Variants in TRDN observed in about 807,000 individuals in gnomAD.
The protein encoded by TRDN is triadin, also known as triadin in skeletal muscle.
In TRDN, 161 loss-of-function variants were observed where a neutral mutation model predicts 149.7. That is an observed-to-expected ratio of 1.08 (90% CI 0.95 to 1.23). The LOEUF is 1.23. Ranked by LOEUF, TRDN falls within the 50% of genes most tolerant of loss-of-function variation. The probability of loss-of-function intolerance (pLI) is 0.00; values close to 1 mark genes in which losing one functional copy is unlikely to be tolerated. For missense variants in TRDN, 896 were observed against 823.5 expected (o/e 1.09, Z -1.08); for synonymous variants, 294 against 250.5 (o/e 1.17, Z -1.64).
intron 27 of TRDN, 62 bp from the exon 28 acceptor site, chr6:123,273,425 C>T: frequency 1.3e-6 from 1 of 777,962 alleles, no homozygotes; most frequent in Non-Finnish European, 1.8e-6. Context: ...TTAACAATAA[C>T]AAATACAACT....
At chr6:123,318,696 G>A (rs1554223551) in intron 23 of TRDN, among the ~76,000 whole-genome samples, 1 of 151,912 alleles carries the variant, frequency 6.6e-6, no homozygotes. Flanking sequence ...CTCTGCACAC[G>A]GCTTTCACTC....
intron 23 of TRDN, among the ~76,000 whole-genome samples, chr6:123,326,906 A>G (rs1395167428): frequency 6.6e-6 from 1 of 151,994 alleles, no homozygotes; most frequent in Non-Finnish European, 1.5e-5. Context: ...CATTATATGC[A>G]TTGCAATATA....
intron 23 of TRDN, among the ~76,000 whole-genome samples, chr6:123,322,709 C>A (rs906036342): frequency 6.6e-6 from 1 of 151,282 alleles, no homozygotes; most frequent in African/African-American, 2.4e-5. Context: ...GGCGCAATCT[C>A]GGCTCACTGC....
chr6:123,428,104 C>T (rs1435755525), intron 12 of TRDN, among the ~76,000 whole-genome samples: 1 of 152,056 alleles, frequency 6.6e-6, no homozygotes, highest in Non-Finnish European at 1.5e-5. Context: ...TGTATCTAGT[C>T]CATCTCATCA....
intron 38 of TRDN, among the ~76,000 whole-genome samples, chr6:123,237,337 C>T (rs1775824111): frequency 6.6e-6 from 1 of 152,080 alleles, no homozygotes; most frequent in Non-Finnish European, 1.5e-5. Context: ...GCAAACTCTG[C>T]CTCGCTGGTT....
chr6:123,335,500 T>C (rs564141564), intron 22 of TRDN, among the ~76,000 whole-genome samples: 72 of 151,934 alleles, frequency 4.7e-4, no homozygotes, highest in African/African-American at 1.4e-3. Context: ...AAATATACAA[T>C]TGCAACAATA....
chr6:123,607,273 C>T (rs1049792151), intron 1 of TRDN, among the ~76,000 whole-genome samples: 18 of 152,202 alleles, frequency 1.2e-4, no homozygotes, highest in African/African-American at 3.6e-4. Flanking sequence ...AAATATGCTT[C>T]GTAGACTAAA....
intron 13 of TRDN, among the ~76,000 whole-genome samples, chr6:123,390,583 G>A (rs1483793504): frequency 6.6e-6 from 1 of 152,042 alleles, no homozygotes; most frequent in African/African-American, 2.4e-5. Context: ...TTGCCAACTG[G>A]AAAGCCATGT....
intron 14 of TRDN, among the ~76,000 whole-genome samples, chr6:123,388,080 A>AG: frequency 6.7e-6 from 1 of 150,072 alleles, no homozygotes; most frequent in Non-Finnish European, 1.5e-5. Context: ...AAAAAATAGA[A>AG]CAAAAAAATC....
At chr6:123,246,668 G>T (rs1362978022) in intron 38 of TRDN, among the ~76,000 whole-genome samples, 1 of 151,832 alleles carries the variant, frequency 6.6e-6, no homozygotes, top group Non-Finnish European at 1.5e-5. Context: ...ACAAAGAGGA[G>T]TTAGTACCAT....
At chr6:123,249,433 C>T (rs183698658) in intron 38 of TRDN, among the ~76,000 whole-genome samples, 53 of 152,114 alleles carry the variant, frequency 3.5e-4, no homozygotes, top group African/African-American at 9.4e-4. Context: ...TACTGCATAT[C>T]TACCCAAAGG....
intron 1 of TRDN, among the ~76,000 whole-genome samples, chr6:123,591,805 T>C (rs1203821224): frequency 6.6e-6 from 1 of 152,220 alleles, no homozygotes; most frequent in Non-Finnish European, 1.5e-5. Flanking sequence ...TTTATGTGCT[T>C]CTGAAAAGAA....
Position 123,378,453 on chromosome 6 carries a change from AGTGTGTGTGTGTGT to A in TRDN, c.1187-569_1187-556del, listed in dbSNP as rs59816098. On this transcript the variant is annotated intron_variant, in intron 16 of 40. Transcript: ENST00000334268. ...CACCACCATGTGTAGCCAGATTTGT[AGTGTGTGTGTGTGT>A]GTGTGTGTGTGTGTGTGTGTGTGTG... is the stretch of plus-strand genomic sequence containing the variant. Among the ~76,000 whole-genome samples, 644 of 136,372 alleles carry A rather than the reference AGTGTGTGTGTGTGT, an allele frequency of 4.7e-3. 6 individuals carry two copies. The highest frequency in any genetic ancestry group is 0.016 in the African/African-American group (575 of 36,232). The allele number at this position is 136,372 out of a possible 152,430, so 89.5% of individuals were successfully genotyped here. A position where few individuals can be genotyped will look rare whatever the true frequency, so the allele number is the denominator to read the frequency against.
At chr6:123,255,261 T>C in intron 36 of TRDN, 136 bp from the exon 37 acceptor site, 1 of 402,830 alleles carries the variant, frequency 2.5e-6, no homozygotes, top group Admixed American at 4.2e-5. Flanking sequence ...AAAATTTTTC[T>C]ATCCAACTGG....
intron 13 of TRDN, 49 bp downstream of exon 13, chr6:123,393,575 A>C: frequency 6.5e-7 from 1 of 1,534,106 alleles, no homozygotes; most frequent in Non-Finnish European, 8.9e-7. Flanking sequence ...ATAAAGTGCT[A>C]TAGATGTTTA....
chr6:123,219,971 T>G (rs992376983), intron 40 of TRDN, among the ~76,000 whole-genome samples: 2 of 151,850 alleles, frequency 1.3e-5, no homozygotes, highest in African/African-American at 4.8e-5. Flanking sequence ...ATTTAATTGA[T>G]GTTGAATAAG....
chr6:123,454,048 G>C (rs11154170), intron 10 of TRDN, among the ~76,000 whole-genome samples: 2 of 151,484 alleles, frequency 1.3e-5, no homozygotes, highest in Non-Finnish European at 2.9e-5. Flanking sequence ...CCAAACATCG[G>C]GTGTTCTCAC....
At chr6:123,471,662 G>A (rs372798279) in intron 9 of TRDN, 2 of 152,044 alleles carry the variant, frequency 1.3e-5, no homozygotes, top group South Asian at 2.1e-4. Context: ...ATATTTCCAC[G>A]TGTTATTACA....
intron 38 of TRDN, among the ~76,000 whole-genome samples, chr6:123,250,172 A>T (rs1207758840): frequency 6.6e-6 from 1 of 152,096 alleles, no homozygotes; most frequent in African/African-American, 2.4e-5. Flanking sequence ...AACTACAAAC[A>T]CTGATTAAAG....
Sources: allele counts gnomAD v4.1 joint callset (sites outside exome capture counted in the v4.1 genomes callset), GRCh38; gene constraint gnomAD v4.1.1; transcripts MANE v1.5; gene names NCBI Gene and HGNC (gene_info 2026-07-23, HGNC 2026-07-21).